Variants in DLST observed in about 807,000 individuals in gnomAD.
DLST encodes dihydrolipoamide S-succinyltransferase.
A neutral mutation model predicts 53.1 loss-of-function variants in DLST; 17 were observed. The observed-to-expected ratio is 0.32, with a 90% CI of 0.22 to 0.48. DLST has a LOEUF of 0.48. Among genes scored for constraint, DLST ranks in the 20% least tolerant of loss-of-function variants. The probability of loss-of-function intolerance (pLI) is 0.99; values close to 1 mark genes in which losing one functional copy is unlikely to be tolerated. For synonymous variants in DLST, 206 were observed against 204.8 expected, an observed-to-expected ratio of 1.01 and a Z score of -0.05; for missense variants, 512 against 583.9, an observed-to-expected ratio of 0.88 and a Z score of 1.27.
At position 74,891,165 on chromosome 14, in the gene DLST, G is replaced by A. The variant is rs145198857; in HGVS notation, c.440G>A (p.Gly147Asp). 153 of 1,614,114 alleles carry A rather than the reference G, an allele frequency of 9.5e-5. No individual in the cohort carries two copies. In the African/African-American group the frequency reaches 1.7e-3, roughly 18 times the overall value. Residue 147 changes from glycine to aspartate, a missense_variant and splice_region_variant, in exon 7 of 15, where the codon GGT (glycine) becomes GAT (aspartate). Gly to Asp is a moderately conservative substitution (Grantham distance 94). Coordinates refer to ENST00000334220, the MANE Select transcript of DLST (RefSeq NM_001933.5). ...GTPLFTLRKT[G>D]AAPAKAKPAE... ...CCACTTTTCACACTCAGGAAAACTGGTGGTAAAGAAGTTCTCCTGGTGGTC... is the reference window on the plus strand; with the variant it reads ...CCACTTTTCACACTCAGGAAAACTGATGGTAAAGAAGTTCTCCTGGTGGTC...
In DLST at chr14:74,901,354, A is replaced by G. The variant is rs1039226936; in HGVS notation, c.1227+121A>G. ...GCCTAAGTTCCATTTCTTAGTTTCT[A>G]ATAGCTAAGGCACTGATTATCAAAT... On this transcript the variant is annotated intron_variant, in intron 14 of 14. Transcript: ENST00000334220. The G allele has an allele frequency of 1.5e-5, 14 of 963,240 alleles. No individual in the cohort carries two copies. In the Middle Eastern group the frequency reaches 1.1e-3, roughly 78 times the overall value. 59.7% of individuals were successfully genotyped at this position (963,240 alleles called of 1,614,324 possible).
At chr14:74,882,512 T>C (rs572484547) in intron 1 of DLST, 79 bp from the exon 2 acceptor site, 1 of 1,454,660 alleles carries the variant, frequency 6.9e-7, no homozygotes, top group East Asian at 2.3e-5. Context: ...CTGGGACAGC[T>C]TTGAGCGTGT....
At chr14:74,897,409 T>G (rs991284306) in intron 10 of DLST, among the ~76,000 whole-genome samples, 3 of 152,210 alleles carry the variant, frequency 2.0e-5, no homozygotes, top group African/African-American at 7.2e-5. Context: ...ACTGCATTAC[T>G]GCATTCCGAT....
chr14:74,891,441 A>G, intron 7 of DLST: 1 of 1,102,482 alleles, frequency 9.1e-7, no homozygotes. Context: ...TTATAGATAT[A>G]CAGATTGAGC....
At chr14:74,895,622 G>A (rs1566793874) in intron 10 of DLST, among the ~76,000 whole-genome samples, 3 of 152,104 alleles carry the variant, frequency 2.0e-5, no homozygotes, top group Non-Finnish European at 4.4e-5. Context: ...AGTGAGGGCT[G>A]GGTGCGGTGG....
rs1391061927 is a variant in DLST, at chr14:74,903,736, T to C, written c.*1406T>C. On this transcript the variant is annotated 3_prime_UTR_variant, in exon 15 of 15. Transcript: ENST00000334220. ...TTAAATGCAAATTAAAGGGCAGATA[T>C]TCTCAAACAGGGTTCCTGTATCTGT... is the stretch of plus-strand genomic sequence containing the variant. 6.6e-6 allele frequency: 1 copy of C among 152,154 alleles called. No individual in the cohort carries two copies. 9.4% of individuals were successfully genotyped at this position (152,154 alleles called of 1,614,324 possible). A position where few individuals can be genotyped will look rare whatever the true frequency, so the allele number is the denominator to read the frequency against.
intron 10 of DLST, 127 bp from the exon 11 acceptor site, chr14:74,898,242 C>A (rs1388007103): frequency 8.0e-7 from 1 of 1,247,742 alleles, no homozygotes; most frequent in Non-Finnish European, 1.1e-6. Flanking sequence ...TATTTCAAAA[C>A]TTGAACTAAG....
chr14:74,903,668 C>CACTATTCAGAACTTGTAACTA lies in DLST; in HGVS notation c.*1340_*1360dup, dbSNP rs1884371102. On this transcript the variant is annotated 3_prime_UTR_variant, in exon 15 of 15. Transcript: ENST00000334220. Reference sequence around the variant, plus strand: ...CCTGCAGCATCTACTACTCTGTCTTCACTATTCAGAACTTGTAACTAAAGT... The same window carrying CACTATTCAGAACTTGTAACTA: ...CCTGCAGCATCTACTACTCTGTCTTCACTATTCAGAACTTGTAACTAACTATTCAGAACTTGTAACTAAAGT... 1 of 152,080 alleles carries CACTATTCAGAACTTGTAACTA rather than the reference C, an allele frequency of 6.6e-6. No homozygotes were observed. The highest frequency in any genetic ancestry group is 2.4e-5 in the African/African-American group (1 of 41,408). The allele number at this position is 152,080 out of a possible 1,614,324, so 9.4% of individuals were successfully genotyped here. A position where few individuals can be genotyped will look rare whatever the true frequency, so the allele number is the denominator to read the frequency against.
At chr14:74,887,748 G>C (rs1418578205) in intron 3 of DLST, among the ~76,000 whole-genome samples, 2 of 152,192 alleles carry the variant, frequency 1.3e-5, no homozygotes, top group East Asian at 1.9e-4. Flanking sequence ...TTACCTGTTA[G>C]TTCTTGCCTA....
chr14:74,893,235 A>G lies in DLST; in HGVS notation c.596-113A>G, dbSNP rs1380946174. 6.4e-6 allele frequency: 8 copies of G among 1,248,504 alleles called. No individual in the cohort carries two copies. The East Asian group carries it at 1.9e-4, about 30-fold the overall frequency. 77.3% of individuals were successfully genotyped at this position (1,248,504 alleles called of 1,614,324 possible). A position where few individuals can be genotyped will look rare whatever the true frequency, so the allele number is the denominator to read the frequency against. On this transcript the variant is annotated intron_variant, in intron 8 of 14. Coordinates refer to ENST00000334220, the MANE Select transcript of DLST (RefSeq NM_001933.5). Reference sequence around the variant, plus strand: ...TCTGTGAAGTTGGAGTGATACTAATATACCTCAGAATATCTTGAAGATTAA... The same window carrying G: ...TCTGTGAAGTTGGAGTGATACTAATGTACCTCAGAATATCTTGAAGATTAA...
chr14:74,900,855 G>T (rs530938573), intron 13 of DLST, among the ~76,000 whole-genome samples: 19 of 152,230 alleles, frequency 1.2e-4, no homozygotes, highest in Non-Finnish European at 2.5e-4. Flanking sequence ...CTCCCAAGTA[G>T]CTGGGACTAC....
intron 2 of DLST, among the ~76,000 whole-genome samples, chr14:74,883,084 G>A (rs988842210): frequency 1.3e-5 from 2 of 152,128 alleles, no homozygotes; most frequent in Non-Finnish European, 2.9e-5. Context: ...CACGAGGTCA[G>A]GAGATCGAGA....
At position 74,889,883 on chromosome 14, in the gene DLST, G is replaced by C; in HGVS notation, c.275-14G>C. The C allele has an allele frequency of 6.2e-7, 1 of 1,613,828 alleles. No homozygotes were observed. Among genetic ancestry groups the C allele is most frequent in the Non-Finnish European group, 8.5e-7 (1 of 1,179,884 alleles). ...GCTAACAGGTAGCCTTGTAGCCTTT[G>C]ATTGTCTTTTCAGCTGTTGGAGACA... is the stretch of plus-strand genomic sequence containing the variant. On this transcript the variant is annotated splice_polypyrimidine_tract_variant and intron_variant, in intron 5 of 14. Coordinates refer to ENST00000334220, the MANE Select transcript of DLST (RefSeq NM_001933.5).
chr14:74,882,510 G>A, intron 1 of DLST, 81 bp from the exon 2 acceptor site: 1 of 1,433,134 alleles, frequency 7.0e-7, no homozygotes, highest in Non-Finnish European at 9.8e-7. Context: ...CACTGGGACA[G>A]CTTTGAGCGT....
intron 3 of DLST, among the ~76,000 whole-genome samples, chr14:74,888,479 C>T (rs1251161181): frequency 6.6e-6 from 1 of 151,964 alleles, no homozygotes; most frequent in African/African-American, 2.4e-5. Context: ...TGACTCACTC[C>T]TGTAATCCCA....
At chr14:74,891,387 T>A in intron 7 of DLST, 1 of 1,221,882 alleles carries the variant, frequency 8.2e-7, no homozygotes, top group Non-Finnish European at 1.0e-6. Flanking sequence ...CTCTGTTCTT[T>A]CCATGGGTGT....
intron 11 of DLST, 88 bp from the exon 12 acceptor site, chr14:74,899,834 CA>C (rs1884184852): frequency 4.8e-6 from 5 of 1,044,240 alleles, no homozygotes; most frequent in Non-Finnish European, 7.3e-6. Context: ...TCAAGCTCTG[CA>C]GATTTTTACT....
At chr14:74,894,507 G>C in intron 10 of DLST, 98 bp downstream of exon 10, 1 of 1,231,390 alleles carries the variant, frequency 8.1e-7, no homozygotes, top group Non-Finnish European at 1.1e-6. Context: ...AAACTAACTT[G>C]TCAGGGAAGA....
chr14:74,885,279 A>G (rs1883663860), intron 2 of DLST, among the ~76,000 whole-genome samples: 2 of 152,228 alleles, frequency 1.3e-5, no homozygotes, highest in Admixed American at 6.5e-5. Flanking sequence ...ACATACAGGA[A>G]TAATGAAAAG....
Sources: gnomAD v4.1 joint callset for allele counts (sites outside exome capture counted in the v4.1 genomes callset) on GRCh38, gnomAD v4.1.1 for gene constraint, MANE v1.5 for transcripts, NCBI Gene and HGNC (gene_info 2026-07-23, HGNC 2026-07-21) for gene names.